The following SLC44A5 variants were observed in gnomAD, a reference collection of about 807,000 sequenced individuals.
SLC44A5 encodes the protein choline transporter-like protein 5.
In SLC44A5, 57 loss-of-function variants were observed where a neutral mutation model predicts 101.8. The observed-to-expected ratio is 0.56, with a 90% CI of 0.45 to 0.70. The LOEUF (loss-of-function observed/expected upper bound fraction) is 0.70. SLC44A5 is among the 30% of genes least tolerant of loss of function. The pLI is 0.00. For missense variants in SLC44A5, 737 were observed against 853.1 expected (o/e 0.86, Z 1.70); for synonymous variants, 281 against 290.9 (o/e 0.97, Z 0.35).
At chr1:75,355,160 C>T (rs1658976641) in intron 3 of SLC44A5, among the ~76,000 whole-genome samples, 1 of 152,058 alleles carries the variant, frequency 6.6e-6, no homozygotes, top group Non-Finnish European at 1.5e-5. Context: ...TTCCCATACA[C>T]ATTCTTATTA....
chr1:75,444,514 AAAG>A (rs1429923316), intron 2 of SLC44A5, among the ~76,000 whole-genome samples: 4 of 119,944 alleles, frequency 3.3e-5, no homozygotes, highest in African/African-American at 1.2e-4. Flanking sequence ...AAGAAAAAGA[AAAG>A]AAAGTGCTGA....
chr1:75,663,296 G>T, the SLC44A5 span, among the ~76,000 whole-genome samples: 9 of 152,114 alleles, frequency 5.9e-5, no homozygotes, highest in African/African-American at 2.2e-4. Flanking sequence ...CTTATGAAAG[G>T]GACCTCAGCA....
chr1:75,641,359 G>A, the SLC44A5 span: 22,159 of 765,678 alleles, frequency 0.029, 476 homozygotes, highest in African/African-American at 0.091. Context: ...CATTAGTATC[G>A]TCTCCGGGCA....
chr1:75,445,234 G>A (rs576581320), intron 2 of SLC44A5, among the ~76,000 whole-genome samples: 4 of 152,046 alleles, frequency 2.6e-5, no homozygotes, highest in African/African-American at 4.8e-5. Context: ...ACGTGAGAGC[G>A]GGTTGTTTAA....
intron 9 of SLC44A5, among the ~76,000 whole-genome samples, chr1:75,240,533 A>T (rs1570445217): frequency 6.6e-6 from 1 of 152,220 alleles, no homozygotes; most frequent in East Asian, 1.9e-4. Context: ...TTTTGTTACT[A>T]ATGATTTATA....
At position 75,397,431 on chromosome 1, in the gene SLC44A5, T is replaced by G. The variant is rs78025183; in HGVS notation, c.14-810A>C. 3.9e-3 allele frequency among the ~76,000 whole-genome samples: 592 copies of G among 152,262 alleles called. 3 individuals are homozygous for G. Among genetic ancestry groups the G allele is most frequent in the African/African-American group, 0.014 (572 of 41,556 alleles). ...TTACAATGCTTGGTTTCCCCATTGA[T>G]TTTTCATCAATCGGACTAACAGTAG... is the stretch of plus-strand genomic sequence containing the variant. On this transcript the variant is annotated intron_variant, in intron 2 of 23. Coordinates refer to ENST00000370859, the MANE Select transcript of SLC44A5 (RefSeq NM_001130058.2).
intron 2 of SLC44A5, among the ~76,000 whole-genome samples, chr1:75,505,325 G>C (rs904237398): frequency 6.6e-6 from 1 of 152,158 alleles, no homozygotes; most frequent in Non-Finnish European, 1.5e-5. Flanking sequence ...ATGAACAAAT[G>C]AGTGCATGTG....
intron 2 of SLC44A5, among the ~76,000 whole-genome samples, chr1:75,453,046 G>A (rs891795605): frequency 6.6e-6 from 1 of 152,070 alleles, no homozygotes; most frequent in African/African-American, 2.4e-5. Flanking sequence ...AGACCTAATA[G>A]TCATCTACAG....
chr1:75,360,362 G>T (rs1157017322), intron 3 of SLC44A5, among the ~76,000 whole-genome samples: 1 of 152,008 alleles, frequency 6.6e-6, no homozygotes, highest in Non-Finnish European at 1.5e-5. Flanking sequence ...ATAGACGGGG[G>T]TCTCACTTTG....
At chr1:75,627,396 G>C in the SLC44A5 span, among the ~76,000 whole-genome samples, 1 of 152,110 alleles carries the variant, frequency 6.6e-6, no homozygotes, top group African/African-American at 2.4e-5. Context: ...AATGAAGAAA[G>C]GGACTAAGAG....
At position 75,215,796 on chromosome 1, in the gene SLC44A5, C is replaced by T; in HGVS notation, c.1686G>A (p.Leu562=). The change falls in exon 19 of 24, where the codon TTG becomes TTA. Residue 562 remains leucine, a synonymous_variant. Coordinates refer to ENST00000370859, the MANE Select transcript of SLC44A5 (RefSeq NM_001130058.2). The stretch of plus-strand genomic sequence containing the variant: ...TGTTTAAAAACTTTATTGCATTTTC[C>T]AAACACCAGAAGCAGCATCTCAGGC... The part of the protein sequence containing the change: ...QCCLRCCFWC[L]ENAIKFLNRN... 6.2e-7 allele frequency: 1 copy of T among 1,608,874 alleles called. No homozygotes were observed.
At chr1:75,212,484 G>A (rs1646877651) in intron 22 of SLC44A5, among the ~76,000 whole-genome samples, 1 of 152,052 alleles carries the variant, frequency 6.6e-6, no homozygotes, top group Admixed American at 6.6e-5. Context: ...TAGGATAACA[G>A]CCTCCAGCTC....
intron 3 of SLC44A5, among the ~76,000 whole-genome samples, chr1:75,340,405 C>A (rs1304356233): frequency 6.6e-6 from 1 of 152,114 alleles, no homozygotes; most frequent in African/African-American, 2.4e-5. Flanking sequence ...ACAACCTAAG[C>A]ACTCCCACCT....
chr1:75,382,457 C>T (rs1295427188), intron 3 of SLC44A5, among the ~76,000 whole-genome samples: 22 of 77,616 alleles, frequency 2.8e-4, no homozygotes, highest in East Asian at 1.9e-3. Flanking sequence ...GCCATGATGA[C>T]GATGGCGGTT....
chr1:75,409,333 G>A (rs1437132932), intron 2 of SLC44A5, among the ~76,000 whole-genome samples: 1 of 152,086 alleles, frequency 6.6e-6, no homozygotes, highest in Non-Finnish European at 1.5e-5. Flanking sequence ...AATGTATTGG[G>A]TAATGAGTTC....
chr1:75,656,697 A>G, the SLC44A5 span, among the ~76,000 whole-genome samples: 3 of 152,224 alleles, frequency 2.0e-5, no homozygotes, highest in South Asian at 6.2e-4. Context: ...CAGCAGAGAA[A>G]TTAAAACATA....
At chr1:75,226,992 C>G (rs1021325178) in intron 13 of SLC44A5, among the ~76,000 whole-genome samples, 1 of 152,178 alleles carries the variant, frequency 6.6e-6, no homozygotes, top group Admixed American at 6.5e-5. Flanking sequence ...CTCATAATTC[C>G]TATAAGTGGT....
At chr1:75,346,134 G>A (rs543853722) in intron 3 of SLC44A5, among the ~76,000 whole-genome samples, 9 of 152,148 alleles carry the variant, frequency 5.9e-5, no homozygotes, top group Admixed American at 1.3e-4. Context: ...CATGATTAAT[G>A]GAAATGCAAA....
At chr1:75,391,924 T>C (rs1661813841) in intron 3 of SLC44A5, among the ~76,000 whole-genome samples, 2 of 152,040 alleles carry the variant, frequency 1.3e-5, no homozygotes, top group African/African-American at 4.8e-5. Flanking sequence ...GAGGCCAAGA[T>C]GGGTGGATTG....
Sources: allele counts gnomAD v4.1 joint callset (sites outside exome capture counted in the v4.1 genomes callset), GRCh38; gene constraint gnomAD v4.1.1; transcripts MANE v1.5; gene names NCBI Gene and HGNC (gene_info 2026-07-23, HGNC 2026-07-21).